SYN3: variants seen among roughly 807,000 people sequenced by gnomAD.
SYN3 encodes synapsin-3.
In SYN3, 35 loss-of-function variants were observed where a neutral mutation model predicts 65.8. The ratio of observed to expected loss-of-function variants is 0.53; its 90% CI spans 0.41 to 0.70. SYN3 has a LOEUF of 0.70. SYN3 is among the 30% of genes least tolerant of loss of function. The pLI is 0.00. For synonymous variants in SYN3, 270 were observed against 292.9 expected, an observed-to-expected ratio of 0.92 and a Z score of 0.80; for missense variants, 680 against 749.0, an observed-to-expected ratio of 0.91 and a Z score of 1.08.
Position 33,006,659 on chromosome 22 carries a change from T to C in SYN3, c.4A>G (p.Asn2Asp), listed in dbSNP as rs369941129. 6.7e-5 allele frequency: 105 copies of C among 1,572,954 alleles called. No homozygotes were observed. Among genetic ancestry groups the C allele is most frequent in the Non-Finnish European group, 8.9e-5 (103 of 1,158,786 alleles). Residue 2 changes from asparagine to aspartate, a missense_variant, in exon 2 of 14, where the codon AAT becomes GAT. Coordinates refer to ENST00000358763, the MANE Select transcript of SYN3 (RefSeq NM_003490.4). ...TCAGAGAGACGTCGCCGGAGGAAAT[T>C]CATGGCTGTGGATGGATGGAGATGA... M[N>D]FLRRRLSDSS...
intron 6 of SYN3, among the ~76,000 whole-genome samples, chr22:32,757,451 C>G (rs2045327336): frequency 6.6e-6 from 1 of 152,128 alleles, no homozygotes; most frequent in South Asian, 2.1e-4. Context: ...CGGTGCGCCA[C>G]CACGCCCAGC....
intron 2 of SYN3, 133 bp from the exon 3 acceptor site, chr22:32,980,835 C>T (rs967409421): frequency 2.8e-6 from 2 of 715,648 alleles, no homozygotes; most frequent in Non-Finnish European, 4.8e-6. Flanking sequence ...CTCCCACCTT[C>T]ACTACTGATT....
chr22:32,734,659 T>A (rs2061315070), intron 6 of SYN3, among the ~76,000 whole-genome samples: 2 of 152,158 alleles, frequency 1.3e-5, no homozygotes. Context: ...GGGGCTGAGA[T>A]CCGAGATGAA....
chr22:32,882,151 C>T (rs188927478), intron 4 of SYN3, among the ~76,000 whole-genome samples: 8 of 152,128 alleles, frequency 5.3e-5, no homozygotes, highest in East Asian at 1.9e-4. Context: ...TCAGGTGAAA[C>T]GCCTGATGGT....
intron 6 of SYN3, among the ~76,000 whole-genome samples, chr22:32,597,296 AC>A (rs2059217039): frequency 1.5e-5 from 2 of 137,646 alleles, no homozygotes; most frequent in Admixed American, 1.7e-4. Flanking sequence ...GCTCACTGCA[AC>A]CTTTGCCTCC....
chr22:32,767,192 A>G (rs1210211433), intron 6 of SYN3, among the ~76,000 whole-genome samples: 2 of 152,174 alleles, frequency 1.3e-5, no homozygotes, highest in African/African-American at 2.4e-5. Flanking sequence ...TCTGCCCACA[A>G]GCACACTTGG....
At chr22:32,601,998 G>C (rs529145974) in intron 6 of SYN3, among the ~76,000 whole-genome samples, 1 of 150,974 alleles carries the variant, frequency 6.6e-6, no homozygotes, top group Non-Finnish European at 1.5e-5. Context: ...AAAATGACCA[G>C]AGAAATTCAA....
chr22:32,866,432 T>C (rs747528106), intron 5 of SYN3, among the ~76,000 whole-genome samples: 11 of 152,098 alleles, frequency 7.2e-5, no homozygotes, highest in Non-Finnish European at 1.5e-4. Flanking sequence ...GACAAGGAAA[T>C]TGGAGTCCAG....
At chr22:33,040,636 C>T (rs984531558) in intron 1 of SYN3, among the ~76,000 whole-genome samples, 1 of 152,174 alleles carries the variant, frequency 6.6e-6, no homozygotes, top group African/African-American at 2.4e-5. Context: ...CCCATATCCC[C>T]CATAATCCCC....
intron 6 of SYN3, among the ~76,000 whole-genome samples, chr22:32,664,084 G>A (rs1291355322): frequency 1.3e-5 from 2 of 152,152 alleles, no homozygotes; most frequent in African/African-American, 2.4e-5. Context: ...CCATCATATT[G>A]TATGTGAAGA....
intron 5 of SYN3, among the ~76,000 whole-genome samples, chr22:32,865,307 C>T (rs2048660956): frequency 2.6e-5 from 4 of 152,336 alleles, no homozygotes; most frequent in African/African-American, 9.6e-5. Flanking sequence ...ATGTCCTTCT[C>T]CACCTGCTGA....
chr22:32,754,363 G>C (rs2045231345), intron 6 of SYN3, among the ~76,000 whole-genome samples: 1 of 152,150 alleles, frequency 6.6e-6, no homozygotes, highest in African/African-American at 2.4e-5. Flanking sequence ...TGTTTGCCAG[G>C]CTGGTCTCAA....
At chr22:32,941,032 C>T (rs545163913) in intron 3 of SYN3, among the ~76,000 whole-genome samples, 2 of 152,186 alleles carry the variant, frequency 1.3e-5, no homozygotes, top group Non-Finnish European at 2.9e-5. Flanking sequence ...TCTACTATTC[C>T]TTGCTTTGCA....
chr22:32,538,045 A>T lies in SYN3; in HGVS notation c.983T>A (p.Met328Lys). The change falls in exon 9 of 14, where the codon ATG (methionine) becomes AAG (lysine). Residue 328 changes from methionine to lysine, a missense_variant. Transcript: ENST00000358763. ...CTCCTTTGTCTCTTACCTCTCTGTCATGGCCACCTGCTCCAGCATGGCAGA... is the reference window on the plus strand; with the variant it reads ...CTCCTTTGTCTCTTACCTCTCTGTCTTGGCCACCTGCTCCAGCATGGCAGA... ...TGSAMLEQVA[M>K]TERYRLWVDS... 1 of 1,614,076 alleles carries T rather than the reference A, an allele frequency of 6.2e-7. No homozygotes were observed. The highest frequency in any genetic ancestry group is 8.5e-7 in the Non-Finnish European group (1 of 1,179,976).
intron 6 of SYN3, among the ~76,000 whole-genome samples, chr22:32,807,848 T>A (rs1246140741): frequency 1.3e-5 from 2 of 152,136 alleles, no homozygotes; most frequent in African/African-American, 4.8e-5. Context: ...GTGGCTGTGT[T>A]AACACAGTTC....
In SYN3 at chr22:32,894,489, A is replaced by G. The variant is rs1450624086; in HGVS notation, c.462-25364T>C. Among the ~76,000 whole-genome samples the G allele has an allele frequency of 2.0e-5, 3 of 152,330 alleles. No individual in the cohort carries two copies. The East Asian group carries it at 5.8e-4, about 29-fold the overall frequency. On this transcript the variant is annotated intron_variant, in intron 4 of 13. Coordinates refer to ENST00000358763, the MANE Select transcript of SYN3 (RefSeq NM_003490.4). Reference sequence around the variant, plus strand: ...GTGACACGTGACCCAATTCTGGTCAATGAGGCCAACACAGAAATCTGCTAA... The same window carrying G: ...GTGACACGTGACCCAATTCTGGTCAGTGAGGCCAACACAGAAATCTGCTAA...
chr22:32,849,495 G>A, intron 6 of SYN3: 1 of 1,613,776 alleles, frequency 6.2e-7, no homozygotes, highest in Non-Finnish European at 8.5e-7. Flanking sequence ...TAAAGGAGGG[G>A]CCCTTCGGCA....
chr22:32,849,783 A>C (rs1321429885), intron 6 of SYN3, among the ~76,000 whole-genome samples: 5 of 152,116 alleles, frequency 3.3e-5, no homozygotes, highest in Non-Finnish European at 5.9e-5. Flanking sequence ...TAGGAAGCTG[A>C]GCTCTGGAGC....
At chr22:33,036,731 G>C (rs1601943684) in intron 1 of SYN3, among the ~76,000 whole-genome samples, 1 of 121,112 alleles carries the variant, frequency 8.3e-6, no homozygotes, top group Non-Finnish European at 1.6e-5. Context: ...CGCTCTTGTT[G>C]CCCAGGCTGG....
Sources: gnomAD v4.1 joint callset for allele counts (sites outside exome capture counted in the v4.1 genomes callset) on GRCh38, gnomAD v4.1.1 for gene constraint, MANE v1.5 for transcripts, NCBI Gene and HGNC (gene_info 2026-07-23, HGNC 2026-07-21) for gene names.